PALM2AKAP2: variants seen among roughly 807,000 people sequenced by gnomAD.
The protein encoded by PALM2AKAP2 is PALM2 and AKAP2 fusion.
Under a neutral mutation model 71.5 loss-of-function variants are expected in PALM2AKAP2, and 37 were observed. That is an observed-to-expected ratio of 0.52 (90% CI 0.40 to 0.68). The LOEUF (loss-of-function observed/expected upper bound fraction) is 0.68, where lower values mean the gene tolerates loss of function less well. PALM2AKAP2 is among the 30% of genes least tolerant of loss of function. The pLI, the probability that PALM2AKAP2 is intolerant of heterozygous loss-of-function variation, is 0.00. For synonymous variants in PALM2AKAP2, 468 were observed against 478.8 expected, an observed-to-expected ratio of 0.98 and a Z score of 0.29; for missense variants, 1,224 against 1,191.8, an observed-to-expected ratio of 1.03 and a Z score of -0.40.
intron 6 of PALM2AKAP2, among the ~76,000 whole-genome samples, chr9:110,009,713 CAA>C (rs535271745): frequency 5.1e-4 from 37 of 71,850 alleles, no homozygotes; most frequent in East Asian, 9.0e-4. Flanking sequence ...GACTCTGTCT[CAA>C]AAAAAAAAAA....
intron 1 of PALM2AKAP2, among the ~76,000 whole-genome samples, chr9:109,814,936 A>G (rs994874762): frequency 6.6e-6 from 1 of 152,116 alleles, no homozygotes; most frequent in Non-Finnish European, 1.5e-5. Context: ...TCAGGAAGTG[A>G]TCTAGTTGGA....
chr9:109,833,663 T>C (rs902043736), intron 1 of PALM2AKAP2, among the ~76,000 whole-genome samples: 1 of 152,176 alleles, frequency 6.6e-6, no homozygotes, highest in Non-Finnish European at 1.5e-5. Flanking sequence ...TTCTTCACTG[T>C]GTGGGACTGC....
At chr9:109,939,045 TA>T (rs1445062318) in intron 6 of PALM2AKAP2, among the ~76,000 whole-genome samples, 1 of 151,744 alleles carries the variant, frequency 6.6e-6, no homozygotes, top group Non-Finnish European at 1.5e-5. Flanking sequence ...ATAATAATAA[TA>T]AAAAATAAAT....
At chr9:110,051,937 C>T (rs7029550) in intron 1 of PALM2AKAP2, among the ~76,000 whole-genome samples, 3,445 of 149,654 alleles carry the variant, frequency 0.023, 148 homozygotes, top group African/African-American at 0.08. Flanking sequence ...GAGTCTTTCT[C>T]TGTTGCTTGG....
chr9:109,691,853 TATATATATATATATACAC>T (rs1315090547), intron 1 of PALM2AKAP2, among the ~76,000 whole-genome samples: 2 of 42,030 alleles, frequency 4.8e-5, no homozygotes, highest in East Asian at 1.3e-3. Flanking sequence ...TATATATATA[TATATATATATATATACAC>T]ACACACACAC....
At chr9:109,789,023 G>A (rs1471187414) in intron 1 of PALM2AKAP2, among the ~76,000 whole-genome samples, 2 of 152,222 alleles carry the variant, frequency 1.3e-5, no homozygotes, top group African/African-American at 4.8e-5. Flanking sequence ...TAAATAAAGT[G>A]AGATATCTGT....
chr9:109,693,114 T>C (rs550596941), intron 1 of PALM2AKAP2, among the ~76,000 whole-genome samples: 78 of 152,136 alleles, frequency 5.1e-4, no homozygotes, highest in Non-Finnish European at 1.0e-3. Flanking sequence ...TTGATATTTC[T>C]TTGTGAGAAT....
At chr9:109,768,951 C>T (rs1057428659) in intron 1 of PALM2AKAP2, among the ~76,000 whole-genome samples, 2 of 152,146 alleles carry the variant, frequency 1.3e-5, no homozygotes, top group Non-Finnish European at 2.9e-5. Context: ...GAGACCCTAT[C>T]TCTATTTATA....
intron 1 of PALM2AKAP2, among the ~76,000 whole-genome samples, chr9:110,084,670 G>T (rs1478836949): frequency 6.6e-6 from 1 of 151,962 alleles, no homozygotes; most frequent in Admixed American, 6.6e-5. Flanking sequence ...ATTATTTAGG[G>T]AATCATGATA....
chr9:109,877,858 C>G (rs942882155), intron 2 of PALM2AKAP2, among the ~76,000 whole-genome samples: 1 of 152,172 alleles, frequency 6.6e-6, no homozygotes, highest in Non-Finnish European at 1.5e-5. Context: ...GAGTAAATTT[C>G]AGAGCCAAGT....
At chr9:109,954,168 C>T (rs1329350226) in intron 6 of PALM2AKAP2, among the ~76,000 whole-genome samples, 4 of 152,072 alleles carry the variant, frequency 2.6e-5, no homozygotes, top group Admixed American at 6.6e-5. Flanking sequence ...CAAAACAACT[C>T]TATAAAGTCT....
At chr9:109,738,954 A>C (rs961417349) in intron 1 of PALM2AKAP2, among the ~76,000 whole-genome samples, 1 of 152,242 alleles carries the variant, frequency 6.6e-6, no homozygotes, top group Non-Finnish European at 1.5e-5. Context: ...GAACTCTCAG[A>C]ATTTCCATTT....
At chr9:110,020,161 G>T (rs1296842058) in intron 7 of PALM2AKAP2, among the ~76,000 whole-genome samples, 1 of 152,016 alleles carries the variant, frequency 6.6e-6, no homozygotes, top group East Asian at 1.9e-4. Flanking sequence ...ACTTTTCAAG[G>T]GAAATATCAG....
intron 1 of PALM2AKAP2, among the ~76,000 whole-genome samples, chr9:109,783,241 C>T (rs1433686641): frequency 6.6e-6 from 1 of 152,052 alleles, no homozygotes; most frequent in Non-Finnish European, 1.5e-5. Flanking sequence ...TTGAGCAGAG[C>T]CCTTAGCTTT....
chr9:109,787,108 TA>T (rs140656584), intron 1 of PALM2AKAP2, among the ~76,000 whole-genome samples: 2,359 of 152,292 alleles, frequency 0.015, 65 homozygotes, highest in African/African-American at 0.054. Flanking sequence ...GTGGGGTAGT[TA>T]CCAGCATGGA....
At chr9:109,850,696 G>A (rs531359826) in intron 1 of PALM2AKAP2, among the ~76,000 whole-genome samples, 1 of 152,142 alleles carries the variant, frequency 6.6e-6, no homozygotes, top group Admixed American at 6.5e-5. Context: ...AGAAAGCAAG[G>A]ATTTAACTGC....
chr9:109,667,528 G>A (rs908310509), intron 1 of PALM2AKAP2, among the ~76,000 whole-genome samples: 2 of 152,056 alleles, frequency 1.3e-5, no homozygotes, highest in African/African-American at 4.8e-5. Flanking sequence ...GGTGGCTCAC[G>A]CCTGTAATCC....
intron 1 of PALM2AKAP2, among the ~76,000 whole-genome samples, chr9:110,053,857 G>A (rs1833770709): frequency 6.6e-6 from 1 of 152,234 alleles, no homozygotes; most frequent in African/African-American, 2.4e-5. Flanking sequence ...AGAGAGACCT[G>A]TGGAACTTAC....
intron 1 of PALM2AKAP2, among the ~76,000 whole-genome samples, chr9:109,747,792 C>T (rs565323505): frequency 2.8e-4 from 42 of 152,288 alleles, no homozygotes; most frequent in South Asian, 1.0e-3. Context: ...ACCTCAGCCT[C>T]CCAAGTAGCT....
Sources: gnomAD v4.1 joint callset for allele counts (sites outside exome capture counted in the v4.1 genomes callset) on GRCh38, gnomAD v4.1.1 for gene constraint, MANE v1.5 for transcripts, NCBI Gene and HGNC (gene_info 2026-07-23, HGNC 2026-07-21) for gene names.